Variants in LAMA2 observed in about 807,000 individuals in gnomAD.
LAMA2 encodes the protein laminin subunit alpha-2.
A neutral mutation model predicts 364.8 loss-of-function variants in LAMA2; 269 were observed. The observed-to-expected ratio is 0.74, with a 90% confidence interval of 0.67 to 0.82. The LOEUF (loss-of-function observed/expected upper bound fraction) is 0.82. LAMA2 is among the 40% of genes least tolerant of loss of function. The probability of loss-of-function intolerance (pLI) is 0.00; values close to 1 mark genes in which losing one functional copy is unlikely to be tolerated. For synonymous variants in LAMA2, 1,379 were observed against 1,370.6 expected (o/e 1.01, Z -0.14); for missense variants, 3,807 against 3,873.2 (o/e 0.98, Z 0.45).
chr6:129,337,653 T>C (rs748230493), intron 29 of LAMA2, among the ~76,000 whole-genome samples: 1 of 152,124 alleles, frequency 6.6e-6, no homozygotes, highest in African/African-American at 2.4e-5. Context: ...TTTCTCACCT[T>C]AGGCCTGAGA....
intron 4 of LAMA2, among the ~76,000 whole-genome samples, chr6:129,135,233 T>C (rs530070157): frequency 1.5e-4 from 23 of 152,234 alleles, no homozygotes; most frequent in African/African-American, 5.5e-4. Context: ...ATAGACAGGA[T>C]TGGAATGGAA....
rs182129204 is a variant in LAMA2 at position 129,200,317 on chromosome 6, C to T, written c.1782+7464C>T. Among the ~76,000 whole-genome samples the T allele has an allele frequency of 7.2e-4, 95 of 132,760 alleles. 2 individuals are homozygous for T. The highest frequency in any genetic ancestry group is 2.6e-3 in the African/African-American group (86 of 32,994). The allele number at this position is 132,760 out of a possible 152,430, so 87.1% of individuals were successfully genotyped here. On this transcript the variant is annotated intron_variant, in intron 12 of 64. Coordinates refer to ENST00000421865, the MANE Select transcript of LAMA2 (RefSeq NM_000426.4). ...ACATATACATGTGTGTATATATATA[C>T]GTGTACACATATACATATACACGTA... is the stretch of plus-strand genomic sequence containing the variant.
In LAMA2 at chr6:129,384,366, C is replaced by T. The variant is rs928795319; in HGVS notation, c.5071+1133C>T. ...TTCACTCTGAGCGGATCCCCAAAGG[C>T]CCTAGTCAATGCTCCAGGAACTTTC... On this transcript the variant is annotated intron_variant, in intron 35 of 64. Coordinates refer to ENST00000421865, the MANE Select transcript of LAMA2 (RefSeq NM_000426.4). 2.0e-5 allele frequency among the ~76,000 whole-genome samples: 3 copies of T among 152,192 alleles called. No individual in the cohort carries two copies. The South Asian group carries it at 6.2e-4, about 31-fold the overall frequency.
In LAMA2 at chr6:129,488,397, A is replaced by T. The variant is rs192616711; in HGVS notation, c.7898+1775A>T. ...TTTGAGAAATTAGTTTACCGAAATCACTCAAAATGTGTTATTTTGTTGAGA... is the reference window on the plus strand; with the variant it reads ...TTTGAGAAATTAGTTTACCGAAATCTCTCAAAATGTGTTATTTTGTTGAGA... On this transcript the variant is annotated intron_variant, in intron 56 of 64. Transcript: ENST00000421865. 3.9e-5 allele frequency among the ~76,000 whole-genome samples: 6 copies of T among 152,318 alleles called. No individual in the cohort carries two copies. The East Asian group carries it at 1.2e-3, about 29-fold the overall frequency.
intron 55 of LAMA2, among the ~76,000 whole-genome samples, chr6:129,484,633 T>C (rs1784508847): frequency 6.6e-6 from 1 of 152,120 alleles, no homozygotes; most frequent in Non-Finnish European, 1.5e-5. Flanking sequence ...ACATAATAAA[T>C]AGAAAATAAA....
chr6:129,340,405 GA>G (rs1443287508), intron 29 of LAMA2, among the ~76,000 whole-genome samples: 1 of 152,030 alleles, frequency 6.6e-6, no homozygotes, highest in Non-Finnish European at 1.5e-5. Flanking sequence ...AGGAGGAAAG[GA>G]AACCAATTTA....
At chr6:129,200,112 G>GTATA (rs751747509) in intron 12 of LAMA2, among the ~76,000 whole-genome samples, 1 of 123,618 alleles carries the variant, frequency 8.1e-6, no homozygotes, top group African/African-American at 3.2e-5. Context: ...ATGTGTACAC[G>GTATA]TATATATATG....
chr6:128,936,749 T>A (rs1779838007), intron 1 of LAMA2, among the ~76,000 whole-genome samples: 1 of 152,142 alleles, frequency 6.6e-6, no homozygotes, highest in Non-Finnish European at 1.5e-5. Context: ...TGTGAGATGA[T>A]AAAAGGCCAC....
At chr6:129,205,014 T>A (rs990175843) in intron 12 of LAMA2, among the ~76,000 whole-genome samples, 39 of 152,220 alleles carry the variant, frequency 2.6e-4, no homozygotes, top group Admixed American at 1.8e-3. Flanking sequence ...GAATAACACA[T>A]GCCATTCCTG....
intron 1 of LAMA2, among the ~76,000 whole-genome samples, chr6:129,042,001 CAA>C (rs67741467): frequency 7.0e-6 from 1 of 142,898 alleles, no homozygotes; most frequent in Non-Finnish European, 1.5e-5. Context: ...GACCCTGTCT[CAA>C]AAAAAAAAAA....
chr6:129,397,214 ATTATAC>A (rs1238125226), intron 37 of LAMA2, among the ~76,000 whole-genome samples: 2 of 152,140 alleles, frequency 1.3e-5, no homozygotes, highest in African/African-American at 4.8e-5. Context: ...TAATTGAGCA[ATTATAC>A]TTATGCCATA....
In LAMA2 at chr6:129,210,003, C is replaced by CAAAAAAAAAAAAAAAA. The variant is rs374127279; in HGVS notation, c.1782+17157_1782+17172dup. ...CGGGCGACAGAGCGAGACTCCATCT[C>CAAAAAAAAAAAAAAAA]AAAAAAAAAAAAAAAAAAAAAATTT... On this transcript the variant is annotated intron_variant, in intron 12 of 64. Transcript: ENST00000421865. 8.2e-3 allele frequency among the ~76,000 whole-genome samples: 552 copies of CAAAAAAAAAAAAAAAA among 67,512 alleles called. 13 individuals carry two copies. Among genetic ancestry groups the CAAAAAAAAAAAAAAAA allele is most frequent in the Non-Finnish European group, 0.01 (345 of 32,986 alleles). 44.3% of individuals were successfully genotyped at this position (67,512 alleles called of 152,430 possible).
intron 4 of LAMA2, among the ~76,000 whole-genome samples, chr6:129,122,956 G>T (rs1367228606): frequency 1.3e-5 from 2 of 151,964 alleles, no homozygotes; most frequent in African/African-American, 4.8e-5. Flanking sequence ...ATGTAAATTG[G>T]TTCAACCATT....
At chr6:129,326,727 T>C (rs1319430261) in intron 28 of LAMA2, among the ~76,000 whole-genome samples, 2 of 145,272 alleles carry the variant, frequency 1.4e-5, no homozygotes, top group African/African-American at 5.0e-5. Flanking sequence ...TTATATATTA[T>C]ATATATTTTA....
At chr6:128,904,600 G>T (rs527385814) in intron 1 of LAMA2, among the ~76,000 whole-genome samples, 1 of 151,710 alleles carries the variant, frequency 6.6e-6, no homozygotes. Flanking sequence ...GATTACAGGC[G>T]AGCGCCACCA....
At chr6:129,101,761 C>T (rs1472327876) in intron 4 of LAMA2, among the ~76,000 whole-genome samples, 1 of 152,202 alleles carries the variant, frequency 6.6e-6, no homozygotes, top group Non-Finnish European at 1.5e-5. Flanking sequence ...GGCAATGCTA[C>T]TTTAGATTGT....
In LAMA2 at chr6:129,418,080, C is replaced by T. The variant is rs760654030; in HGVS notation, c.5866-9672C>T. ...CCCACCAGCTCTGTGGAGCACAAAG[C>T]CAGACAGGCTGACACTGCCATTACT... On this transcript the variant is annotated intron_variant, in intron 40 of 64. Coordinates refer to ENST00000421865, the MANE Select transcript of LAMA2 (RefSeq NM_000426.4). Among the ~76,000 whole-genome samples, 51 of 152,148 alleles carry T rather than the reference C, an allele frequency of 3.4e-4. 1 individual carries two copies. The highest frequency in any genetic ancestry group is 1.5e-4 in the Non-Finnish European group (10 of 68,034).
intron 1 of LAMA2, among the ~76,000 whole-genome samples, chr6:128,997,389 A>AGAGG (rs766492369): frequency 1.6e-5 from 2 of 127,794 alleles, no homozygotes; most frequent in South Asian, 2.8e-4. Context: ...AGAAAGGAAG[A>AGAGG]GAGGGAGGGA....
chr6:129,493,331 C>A (rs1784978187), intron 58 of LAMA2, among the ~76,000 whole-genome samples: 1 of 152,074 alleles, frequency 6.6e-6, no homozygotes, highest in Non-Finnish European at 1.5e-5. Context: ...TGCTGGTATT[C>A]AAATCCCAGC....
Sources: allele counts gnomAD v4.1 joint callset (sites outside exome capture counted in the v4.1 genomes callset), GRCh38; gene constraint gnomAD v4.1.1; transcripts MANE v1.5; gene names NCBI Gene and HGNC (gene_info 2026-07-23, HGNC 2026-07-21).